Variants in SPECC1L observed in about 807,000 individuals in gnomAD.
SPECC1L encodes the protein cytospin-A.
Under a neutral mutation model 116.8 loss-of-function variants are expected in SPECC1L, and 40 were observed. That is an observed-to-expected ratio of 0.34 (90% confidence interval 0.27 to 0.45). The LOEUF (loss-of-function observed/expected upper bound fraction) is 0.45. Ranked by LOEUF, SPECC1L falls within the 20% of genes least tolerant of loss-of-function variation. The probability of loss-of-function intolerance (pLI) is 1.00; values close to 1 mark genes in which losing one functional copy is unlikely to be tolerated. For synonymous variants in SPECC1L, 504 were observed against 500.6 expected (o/e 1.01, Z -0.09); for missense variants, 1,110 against 1,373.6 (o/e 0.81, Z 3.03).
At chr22:24,397,741 C>T (rs964738065) in intron 14 of SPECC1L, among the ~76,000 whole-genome samples, 5 of 152,128 alleles carry the variant, frequency 3.3e-5, no homozygotes, top group African/African-American at 1.2e-4. Flanking sequence ...CCCATCCTGT[C>T]TGCTTCATAT....
At chr22:24,412,294 A>C in intron 15 of SPECC1L, 1 of 385,730 alleles carries the variant, frequency 2.6e-6, no homozygotes, top group Non-Finnish European at 5.0e-6. Context: ...CCCTGCAGAC[A>C]ACCCTCGAAG....
rs562920529 is a variant in SPECC1L at position 24,407,408 on chromosome 22, G to T, written c.3088-4180G>T. Among the ~76,000 whole-genome samples the T allele has an allele frequency of 1.2e-4, 18 of 152,294 alleles. No homozygotes were observed. In the Middle Eastern group the frequency reaches 0.014, roughly 115 times the overall value. ...TTGGGTTTATCTTGAGGAAGCGGAG[G>T]GGGAAGGCTGGGGTTCCCACAGCCA... is the stretch of plus-strand genomic sequence containing the variant. On this transcript the variant is annotated intron_variant, in intron 14 of 16. Coordinates refer to ENST00000314328, the MANE Select transcript of SPECC1L (RefSeq NM_015330.6).
chr22:24,309,654 C>T (rs2040421273), intron 3 of SPECC1L, among the ~76,000 whole-genome samples: 1 of 152,150 alleles, frequency 6.6e-6, no homozygotes, highest in Admixed American at 6.5e-5. Context: ...CCACCTTGTC[C>T]TCCCAAAGTG....
chr22:24,289,089 T>A (rs1403277856), intron 2 of SPECC1L, among the ~76,000 whole-genome samples: 1 of 152,220 alleles, frequency 6.6e-6, no homozygotes, highest in East Asian at 1.9e-4. Flanking sequence ...ATTTTATCGA[T>A]ACCAAATTGT....
intron 7 of SPECC1L, among the ~76,000 whole-genome samples, chr22:24,329,459 GT>G (rs1212642791): frequency 6.6e-6 from 1 of 152,232 alleles, no homozygotes; most frequent in Non-Finnish European, 1.5e-5. Context: ...TCTTCATTTT[GT>G]GGCCATGATC....
intron 10 of SPECC1L, among the ~76,000 whole-genome samples, chr22:24,344,224 A>G (rs767040909): frequency 2.0e-4 from 30 of 152,210 alleles, no homozygotes; most frequent in Non-Finnish European, 3.4e-4. Context: ...AAAAGCACAC[A>G]TTAACAAAAC....
At chr22:24,295,324 CA>C (rs1239991730) in intron 2 of SPECC1L, among the ~76,000 whole-genome samples, 1 of 149,790 alleles carries the variant, frequency 6.7e-6, no homozygotes, top group Non-Finnish European at 1.5e-5. Context: ...AAAATAATTT[CA>C]ATAATTGTTT....
intron 14 of SPECC1L, among the ~76,000 whole-genome samples, chr22:24,402,177 A>T (rs1415416416): frequency 2.3e-5 from 2 of 88,818 alleles, no homozygotes; most frequent in East Asian, 6.3e-4. Context: ...CCCTCCCCTG[A>T]CCTGGAGCAG....
At chr22:24,338,338 TC>T (rs2041104814) in intron 9 of SPECC1L, 47 bp from the exon 10 acceptor site, 1 of 1,583,042 alleles carries the variant, frequency 6.3e-7, no homozygotes, top group Non-Finnish European at 8.7e-7. Flanking sequence ...CAGTTAAGCT[TC>T]CACTGTACAG....
chr22:24,341,124 G>T (rs1417730906), intron 10 of SPECC1L, among the ~76,000 whole-genome samples: 1 of 152,110 alleles, frequency 6.6e-6, no homozygotes, highest in Non-Finnish European at 1.5e-5. Context: ...GATCTGAGTA[G>T]ACACAAATCA....
intron 8 of SPECC1L, 96 bp downstream of exon 8, chr22:24,330,527 G>C: frequency 7.4e-7 from 1 of 1,343,202 alleles, no homozygotes; most frequent in Non-Finnish European, 1.1e-6. Context: ...TGTGGAGTTT[G>C]ATACTTACTG....
At chr22:24,337,408 G>A (rs2041082969) in intron 9 of SPECC1L, among the ~76,000 whole-genome samples, 1 of 152,204 alleles carries the variant, frequency 6.6e-6, no homozygotes, top group South Asian at 2.1e-4. Context: ...ACAGAAAGCA[G>A]ATTGCCATAC....
At chr22:24,329,031 T>A (rs1447901941) in intron 7 of SPECC1L, 112 bp downstream of exon 7, 3 of 810,182 alleles carry the variant, frequency 3.7e-6, no homozygotes, top group African/African-American at 1.7e-5. Context: ...GTGATAATAC[T>A]GGCCCCATTG....
chr22:24,278,377 A>C (rs1404533515), intron 2 of SPECC1L, among the ~76,000 whole-genome samples: 1 of 151,580 alleles, frequency 6.6e-6, no homozygotes, highest in East Asian at 1.9e-4. Context: ...GAAAAAAAAA[A>C]GTGGGATGAT....
At chr22:24,412,270 A>G in intron 15 of SPECC1L, 1 of 358,532 alleles carries the variant, frequency 2.8e-6, no homozygotes. Flanking sequence ...TGCTTCCCCC[A>G]TGTCAGCCCC....
intron 14 of SPECC1L, among the ~76,000 whole-genome samples, chr22:24,373,142 A>G (rs1040459384): frequency 6.6e-6 from 1 of 152,218 alleles, no homozygotes; most frequent in African/African-American, 2.4e-5. Flanking sequence ...AAACAAATGG[A>G]AGAACGTTCC....
At chr22:24,413,240 G>A (rs555679527) in intron 16 of SPECC1L, among the ~76,000 whole-genome samples, 208 of 152,260 alleles carry the variant, frequency 1.4e-3, no homozygotes, top group African/African-American at 4.7e-3. Context: ...GTGGAAACCC[G>A]GCGTGTTCTC....
intron 1 of SPECC1L, 67 bp downstream of exon 1, chr22:24,271,050 G>T (rs2048711828): frequency 6.6e-6 from 1 of 152,464 alleles, no homozygotes; most frequent in Admixed American, 6.5e-5. Context: ...AGCGCCGCCC[G>T]CGCTGCCGCG....
chr22:24,288,735 C>T (rs1416075954), intron 2 of SPECC1L, among the ~76,000 whole-genome samples: 1 of 143,446 alleles, frequency 7.0e-6, no homozygotes, highest in African/African-American at 2.6e-5. Context: ...AAGCGATTCT[C>T]CTGCCTCAGC....
Sources: allele counts gnomAD v4.1 joint callset (sites outside exome capture counted in the v4.1 genomes callset), GRCh38; gene constraint gnomAD v4.1.1; transcripts MANE v1.5; gene names NCBI Gene and HGNC (gene_info 2026-07-23, HGNC 2026-07-21).